KLHL30: variants seen among roughly 807,000 people sequenced by gnomAD.
The protein encoded by KLHL30 is kelch like family member 30.
Under a neutral mutation model 55.0 loss-of-function variants are expected in KLHL30, and 55 were observed. That is an observed-to-expected ratio of 1.00 (90% CI 0.80 to 1.25). KLHL30 has a LOEUF of 1.25. Ranked by LOEUF, KLHL30 falls within the 50% of genes most tolerant of loss-of-function variation. The pLI is 0.00. For missense variants in KLHL30, 786 were observed against 811.6 expected, an observed-to-expected ratio of 0.97 and a Z score of 0.38; for synonymous variants, 356 against 372.6, an observed-to-expected ratio of 0.96 and a Z score of 0.51.
intron 6 of KLHL30, among the ~76,000 whole-genome samples, chr2:238,148,498 C>T (rs1217118224): frequency 1.3e-5 from 2 of 152,226 alleles, no homozygotes; most frequent in Admixed American, 6.5e-5. Context: ...CCGTCCACCC[C>T]GACCCTGGTC....
intron 4 of KLHL30, among the ~76,000 whole-genome samples, chr2:238,145,346 G>A (rs896934665): frequency 3.9e-5 from 6 of 152,178 alleles, no homozygotes; most frequent in Admixed American, 6.5e-5. Flanking sequence ...TTGACCAGGT[G>A]TCTGTCTTGG....
chr2:238,148,913 G>A, intron 6 of KLHL30, 94 bp from the exon 7 acceptor site: 1 of 1,272,286 alleles, frequency 7.9e-7, no homozygotes, highest in Non-Finnish European at 1.1e-6. Flanking sequence ...GGTTCAGAGA[G>A]GCACTGAGTC....
At chr2:238,143,897 G>C (rs1325405571) in intron 3 of KLHL30, among the ~76,000 whole-genome samples, 1 of 152,228 alleles carries the variant, frequency 6.6e-6, no homozygotes, top group Admixed American at 6.5e-5. Context: ...TCTGCTCCCA[G>C]GGAGGCCTGG....
Position 238,145,818 on chromosome 2 carries a change from T to G in KLHL30, c.1136T>G (p.Ile379Ser), listed in dbSNP as rs1244419984. 3.7e-6 allele frequency: 6 copies of G among 1,603,472 alleles called. No individual in the cohort carries two copies. The South Asian group carries it at 5.6e-5, about 15-fold the overall frequency. Residue 379 changes from isoleucine (I) to serine (S), a missense_variant, in exon 5 of 8, where the codon ATC becomes AGC. Coordinates refer to ENST00000409223, the MANE Select transcript of KLHL30 (RefSeq NM_198582.4). ...NHASAALNGEIYVIGGTTLDV... is the reference protein window; with the variant it reads ...NHASAALNGESYVIGGTTLDV... The stretch of plus-strand genomic sequence containing the variant: ...GCCAGCGCGGCCCTCAATGGGGAGA[T>G]CTACGTTATCGGCGGTGAGGCCTTC...
chr2:238,141,132 GC>G lies in KLHL30; in HGVS notation c.379del (p.Gln127SerfsTer74), dbSNP rs1297110960. On this transcript the variant is annotated frameshift_variant, in exon 2 of 8. Coordinates refer to ENST00000409223, the MANE Select transcript of KLHL30 (RefSeq NM_198582.4). LOFTEE classifies it high-confidence loss of function. ...SVQKVCGRYL[Q>X]QQLDAANCLG... Reference sequence around the variant, plus strand: ...TGCAGAAGGTCTGCGGCCGCTACCTGCAGCAGCAACTGGATGCCGCCAACTG... The same window carrying G: ...TGCAGAAGGTCTGCGGCCGCTACCTGAGCAGCAACTGGATGCCGCCAACTG... The G allele has an allele frequency of 6.2e-7, 1 of 1,611,368 alleles. No homozygotes were observed. Among genetic ancestry groups the G allele is most frequent in the African/African-American group, 1.3e-5 (1 of 74,940 alleles).
intron 6 of KLHL30, among the ~76,000 whole-genome samples, chr2:238,148,276 G>A (rs969571363): frequency 9.9e-5 from 15 of 151,894 alleles, no homozygotes; most frequent in African/African-American, 2.9e-4. Flanking sequence ...TCCTGCTCAG[G>A]CCTTAGGGCA....
At chr2:238,144,402 G>A (rs796959311) in intron 3 of KLHL30, among the ~76,000 whole-genome samples, 5 of 114,512 alleles carry the variant, frequency 4.4e-5, no homozygotes, top group African/African-American at 1.9e-4. Context: ...AAGGAAGGAA[G>A]GAAGGAAGGA....
At position 238,147,203 on chromosome 2, in the gene KLHL30, T is replaced by C. The variant is rs1424725368; in HGVS notation, c.1151-631T>C. Among the ~76,000 whole-genome samples the C allele has an allele frequency of 6.6e-6, 1 of 151,512 alleles. No individual in the cohort carries two copies. Among genetic ancestry groups the C allele is most frequent in the Non-Finnish European group, 1.5e-5 (1 of 67,880 alleles). On this transcript the variant is annotated intron_variant, in intron 5 of 7. Transcript: ENST00000409223. The surrounding 1 kb of genome is among the most constrained non-coding windows in gnomAD (Gnocchi z 5.8). Reference sequence around the variant, plus strand: ...AAACACATGGGGCCCAAAAGCTCTGTAGGTGATGAACTGGTCTTGAGGCCA... The same window carrying C: ...AAACACATGGGGCCCAAAAGCTCTGCAGGTGATGAACTGGTCTTGAGGCCA...
Position 238,147,901 on chromosome 2 carries a change from C to T in KLHL30, c.1218C>T (p.Ser406=). 1 of 1,602,746 alleles carries T rather than the reference C, an allele frequency of 6.2e-7. No homozygotes were observed. The highest frequency in any genetic ancestry group is 8.5e-7 in the Non-Finnish European group (1 of 1,174,586). The change falls in exon 6 of 8, where the codon AGC becomes AGT. Residue 406 remains serine (S), a synonymous_variant. Transcript: ENST00000409223. This position sits in a 1 kb window ranked among gnomAD's most constrained non-coding sequence, Gnocchi z 5.8. ...DPYTDSWTPV[S]PALKYVSNFS... The stretch of plus-strand genomic sequence containing the variant: ...ACACGGACAGCTGGACGCCCGTCAG[C>T]CCGGCCCTCAAATACGTCAGCAACT...
At position 238,147,318 on chromosome 2, in the gene KLHL30, G is replaced by A. The variant is rs535460486; in HGVS notation, c.1151-516G>A. On this transcript the variant is annotated intron_variant, in intron 5 of 7. Transcript: ENST00000409223. This position sits in a 1 kb window ranked among gnomAD's most constrained non-coding sequence, Gnocchi z 5.8. ...AGAGCAGAAAGCACCCAGGGCTCCC[G>A]AGCCCAGGGCTTGTGAGGTCCCCAG... is the stretch of plus-strand genomic sequence containing the variant. Among the ~76,000 whole-genome samples the A allele has an allele frequency of 6.6e-6, 1 of 151,970 alleles. No individual in the cohort carries two copies. Among genetic ancestry groups the A allele is most frequent in the South Asian group, 2.1e-4 (1 of 4,814 alleles).
rs1015140297 is a variant in KLHL30, at chr2:238,141,110, A to G, written c.356A>G (p.Gln119Arg). ...TAARLHFPSVQKVCGRYLQQQ... is the reference protein window; with the variant it reads ...TAARLHFPSVRKVCGRYLQQQ... The stretch of plus-strand genomic sequence containing the variant: ...GCGCGCCTGCACTTCCCCTCGGTGC[A>G]GAAGGTCTGCGGCCGCTACCTGCAG... The change falls in exon 2 of 8, where the codon CAG becomes CGG. Residue 119 changes from glutamine (Q) to arginine (R), a missense_variant. Gln to Arg is a conservative substitution (Grantham distance 43). Transcript: ENST00000409223. 3.1e-6 allele frequency: 5 copies of G among 1,610,132 alleles called. No individual in the cohort carries two copies. In the African/African-American group the frequency reaches 6.7e-5, roughly 21 times the overall value.
intron 7 of KLHL30, 28 bp from the exon 8 acceptor site, chr2:238,150,786 C>T (rs373378290): frequency 3.5e-5 from 55 of 1,552,120 alleles, no homozygotes; most frequent in Admixed American, 7.7e-5. Context: ...TCCCGCCCAC[C>T]GGACGCTAAC....
Position 238,151,438 on chromosome 2 carries a change from T to G in KLHL30, c.*373T>G. Reference sequence around the variant, plus strand: ...ACCCCAGCAGGGGCTTTTGGAGCAGTTGCATGAATGTGGGGTGAACACGGA... The same window carrying G: ...ACCCCAGCAGGGGCTTTTGGAGCAGGTGCATGAATGTGGGGTGAACACGGA... On this transcript the variant is annotated 3_prime_UTR_variant, in exon 8 of 8. Transcript: ENST00000409223. 6.5e-6 allele frequency: 2 copies of G among 307,936 alleles called. No individual in the cohort carries two copies. Among genetic ancestry groups the G allele is most frequent in the Non-Finnish European group, 1.2e-5 (2 of 162,368 alleles). 19.1% of individuals were successfully genotyped at this position (307,936 alleles called of 1,614,324 possible). A position where few individuals can be genotyped will look rare whatever the true frequency, so the allele number is the denominator to read the frequency against.
chr2:238,144,432 A>AAGGAAGGAAGGAAGGAAGGAAGGC (rs1692608040), intron 3 of KLHL30, among the ~76,000 whole-genome samples: 78 of 82,382 alleles, frequency 9.5e-4, no homozygotes, highest in Non-Finnish European at 1.6e-3. Context: ...GGAAGGAAGG[A>AAGGAAGGAAGGAAGGAAGGAAGGC]AGGCAGGCAG....
In KLHL30 at chr2:238,143,034, C is replaced by T. The variant is rs1336036825; in HGVS notation, c.907+103C>T. 9 of 1,333,626 alleles carry T rather than the reference C, an allele frequency of 6.7e-6. No homozygotes were observed. In the South Asian group the frequency reaches 1.0e-4, roughly 15 times the overall value. The allele number at this position is 1,333,626 out of a possible 1,614,324, so 82.6% of individuals were successfully genotyped here. ...GGAGCGCATGAGGCTCGCAGAGGAC[C>T]GGGAGCTGTGTGAGGCCCCTGTGAG... On this transcript the variant is annotated intron_variant, in intron 3 of 7. Transcript: ENST00000409223.
Position 238,151,465 on chromosome 2 carries a change from C to A in KLHL30, c.*400C>A. On this transcript the variant is annotated 3_prime_UTR_variant, in exon 8 of 8. Coordinates refer to ENST00000409223, the MANE Select transcript of KLHL30 (RefSeq NM_198582.4). ...GCATGAATGTGGGGTGAACACGGAG[C>A]GTCCCAGAAAGCTGAGGCTGCTGGG... 4.3e-6 allele frequency: 1 copy of A among 231,482 alleles called. No homozygotes were observed. The highest frequency in any genetic ancestry group is 8.5e-6 in the Non-Finnish European group (1 of 117,394). The allele number at this position is 231,482 out of a possible 1,614,324, so 14.3% of individuals were successfully genotyped here. A position where few individuals can be genotyped will look rare whatever the true frequency, so the allele number is the denominator to read the frequency against.
intron 1 of KLHL30, among the ~76,000 whole-genome samples, chr2:238,140,319 C>T (rs1692508394): frequency 6.6e-6 from 1 of 152,168 alleles, no homozygotes; most frequent in Admixed American, 6.5e-5. Context: ...ACGGAGGACG[C>T]CTCCCGGGAG....
intron 6 of KLHL30, 28 bp downstream of exon 6, chr2:238,148,050 G>T: frequency 7.3e-7 from 1 of 1,369,124 alleles, no homozygotes; most frequent in South Asian, 1.7e-5. Context: ...ACCGAGGATA[G>T]AGGACCACAG....
Position 238,141,532 on chromosome 2 carries a change from A to T in KLHL30, c.774+4A>T, listed in dbSNP as rs1692541685. The T allele has an allele frequency of 7.0e-7, 1 of 1,437,898 alleles. No individual in the cohort carries two copies. Among genetic ancestry groups the T allele is most frequent in the Non-Finnish European group, 9.1e-7 (1 of 1,100,366 alleles). The allele number at this position is 1,437,898 out of a possible 1,614,324, so 89.1% of individuals were successfully genotyped here. A position where few individuals can be genotyped will look rare whatever the true frequency, so the allele number is the denominator to read the frequency against. On this transcript the variant is annotated splice_donor_region_variant and intron_variant, in intron 2 of 7. Coordinates refer to ENST00000409223, the MANE Select transcript of KLHL30 (RefSeq NM_198582.4). ...CCTGTCCCAGGGCCATGATGGGGTG[A>T]GTGAGCGGCTGGGAGGCCCCATCCC...
Sources: gnomAD v4.1 joint callset for allele counts (sites outside exome capture counted in the v4.1 genomes callset) on GRCh38, gnomAD v4.1.1 for gene constraint, Gnocchi (gnomAD v3.1) non-coding constraint, MANE v1.5 for transcripts, NCBI Gene and HGNC (gene_info 2026-07-23, HGNC 2026-07-21) for gene names.